Variants in CNKSR3 observed in about 807,000 individuals in gnomAD.
CNKSR3 encodes the protein CNKSR family member 3, also known as connector enhancer of kinase suppressor of ras 3.
CNKSR3 carries 36 observed loss-of-function variants against 67.7 expected under a neutral mutation model. That is an observed-to-expected ratio of 0.53 (90% CI 0.41 to 0.70). The LOEUF is 0.70. Ranked by LOEUF, CNKSR3 falls within the 30% of genes least tolerant of loss-of-function variation. The pLI, the probability that CNKSR3 is intolerant of heterozygous loss-of-function variation, is 0.00. For synonymous variants in CNKSR3, 281 were observed against 271.4 expected (o/e 1.04, Z -0.35); for missense variants, 630 against 695.2 (o/e 0.91, Z 1.05).
At chr6:154,436,513 CTAAT>C (rs1785475245) in intron 4 of CNKSR3, among the ~76,000 whole-genome samples, 1 of 152,102 alleles carries the variant, frequency 6.6e-6, no homozygotes, top group South Asian at 2.1e-4. Context: ...GCTCATTTTC[CTAAT>C]TCTTTTTTTT....
intron 1 of CNKSR3, among the ~76,000 whole-genome samples, chr6:154,478,642 A>G (rs1377575787): frequency 1.3e-5 from 2 of 152,234 alleles, no homozygotes; most frequent in Non-Finnish European, 2.9e-5. Context: ...TTACAATGCC[A>G]TCTTTGAAAA....
chr6:154,488,616 G>GA (rs1786724249), intron 1 of CNKSR3, among the ~76,000 whole-genome samples: 1 of 152,190 alleles, frequency 6.6e-6, no homozygotes, highest in East Asian at 1.9e-4. Flanking sequence ...TAAAAGAAAA[G>GA]AAATAAGAAC....
chr6:154,410,454 G>C, intron 11 of CNKSR3, 22 bp from the exon 12 acceptor site: 1 of 1,578,314 alleles, frequency 6.3e-7, no homozygotes, highest in Non-Finnish European at 8.7e-7. Context: ...CGAGAAAGAA[G>C]GTGACAAGTT....
intron 1 of CNKSR3, among the ~76,000 whole-genome samples, chr6:154,467,285 T>C (rs1786224028): frequency 6.6e-6 from 1 of 152,182 alleles, no homozygotes; most frequent in Non-Finnish European, 1.5e-5. Context: ...AAAAGCTTTC[T>C]GCTTGGGCGT....
Position 154,405,372 on chromosome 6 carries a change from A to G in CNKSR3, c.*982T>C, listed in dbSNP as rs1289742792. 6.6e-6 allele frequency: 1 copy of G among 152,656 alleles called. No individual in the cohort carries two copies. Among genetic ancestry groups the G allele is most frequent in the Admixed American group, 6.5e-5 (1 of 15,274 alleles). 9.5% of individuals were successfully genotyped at this position (152,656 alleles called of 1,614,324 possible). A position where few individuals can be genotyped will look rare whatever the true frequency, so the allele number is the denominator to read the frequency against. The stretch of plus-strand genomic sequence containing the variant: ...AGATAGTACTTTTCCATTCTAACAA[A>G]ATATCATACATTCAGTTTAAACAAG... On this transcript the variant is annotated 3_prime_UTR_variant, in exon 13 of 13. Coordinates refer to ENST00000607772, the MANE Select transcript of CNKSR3 (RefSeq NM_173515.4).
intron 9 of CNKSR3, among the ~76,000 whole-genome samples, chr6:154,418,984 C>A (rs1785079031): frequency 1.4e-5 from 2 of 146,400 alleles, no homozygotes. Flanking sequence ...ACACAAAGAA[C>A]CTGATTTTAA....
chr6:154,485,790 C>T (rs916063612), intron 1 of CNKSR3, among the ~76,000 whole-genome samples: 65 of 152,174 alleles, frequency 4.3e-4, no homozygotes, highest in Non-Finnish European at 5.1e-4. Context: ...GGGTAATCAC[C>T]CTTCTGGTGG....
Position 154,410,338 on chromosome 6 carries a change from C to T in CNKSR3, c.1369+5G>A, listed in dbSNP as rs369633632. 8.7e-6 allele frequency: 14 copies of T among 1,610,942 alleles called. No individual in the cohort carries two copies. Among genetic ancestry groups the T allele is most frequent in the East Asian group, 2.2e-5 (1 of 44,880 alleles). ...TGTTCCTTGGTTTGCTTGGATGAAACGTACCTTTCCTGCCATGACCTCGAG... is the reference window on the plus strand; with the variant it reads ...TGTTCCTTGGTTTGCTTGGATGAAATGTACCTTTCCTGCCATGACCTCGAG... On this transcript the variant is annotated splice_donor_5th_base_variant and intron_variant, in intron 12 of 12. Transcript: ENST00000607772.
chr6:154,433,502 G>C lies in CNKSR3; in HGVS notation c.513C>G (p.Cys171Trp). 6.3e-7 allele frequency: 1 copy of C among 1,588,614 alleles called. No individual in the cohort carries two copies. The highest frequency in any genetic ancestry group is 1.1e-5 in the South Asian group (1 of 88,524). ...CTTTATCCTCCATTTCCGCTACAAAGCAATCCTAAAGAAGGGGATGGAGAA... is the reference window on the plus strand; with the variant it reads ...CTTTATCCTCCATTTCCGCTACAAACCAATCCTAAAGAAGGGGATGGAGAA... The part of the protein sequence containing the change: ...LDLTTTVQKD[C>W]FVAEMEDKVL... The change falls in exon 5 of 13, where the codon TGC becomes TGG. Residue 171 changes from cysteine (C) to tryptophan (W), a missense_variant. Physicochemically the swap from Cys to Trp is radical, Grantham distance 215. This residue lies in a region of CNKSR3 where 133 missense variants were observed against 190.6 expected (regional missense o/e 0.70). Coordinates refer to ENST00000607772, the MANE Select transcript of CNKSR3 (RefSeq NM_173515.4).
At chr6:154,507,499 G>T (rs1217923817) in intron 1 of CNKSR3, among the ~76,000 whole-genome samples, 1 of 152,180 alleles carries the variant, frequency 6.6e-6, no homozygotes, top group Non-Finnish European at 1.5e-5. Context: ...AGTCCTATAA[G>T]CAGACGAGCT....
intron 7 of CNKSR3, among the ~76,000 whole-genome samples, chr6:154,427,645 G>T (rs1459370469): frequency 6.6e-6 from 1 of 152,142 alleles, no homozygotes; most frequent in African/African-American, 2.4e-5. Flanking sequence ...AAGGGCTGGG[G>T]AGAGAGGACT....
At position 154,510,155 on chromosome 6, in the gene CNKSR3, A is replaced by T. The variant is rs781214855; in HGVS notation, c.-41T>A. On this transcript the variant is annotated 5_prime_UTR_variant, in exon 1 of 13. Coordinates refer to ENST00000607772, the MANE Select transcript of CNKSR3 (RefSeq NM_173515.4). Reference sequence around the variant, plus strand: ...CTCTCGCTGGGCTGGAGAGTCGCAGATAAAGTGCTGCTGCCTGCGCTCCGG... The same window carrying T: ...CTCTCGCTGGGCTGGAGAGTCGCAGTTAAAGTGCTGCTGCCTGCGCTCCGG... 6.2e-7 allele frequency: 1 copy of T among 1,612,488 alleles called. No individual in the cohort carries two copies. The highest frequency in any genetic ancestry group is 8.5e-7 in the Non-Finnish European group (1 of 1,178,740).
chr6:154,501,418 G>C (rs1786991022), intron 1 of CNKSR3, among the ~76,000 whole-genome samples: 1 of 152,066 alleles, frequency 6.6e-6, no homozygotes, highest in East Asian at 1.9e-4. Flanking sequence ...ACCACGACTT[G>C]TAAGAACCTA....
At chr6:154,442,834 T>C (rs1343854305) in intron 2 of CNKSR3, among the ~76,000 whole-genome samples, 2 of 151,660 alleles carry the variant, frequency 1.3e-5, no homozygotes, top group African/African-American at 2.4e-5. Context: ...ATAGTTCCTC[T>C]TCCCCAAATG....
chr6:154,408,626 A>G (rs1331071183), intron 12 of CNKSR3, among the ~76,000 whole-genome samples: 3 of 152,214 alleles, frequency 2.0e-5, no homozygotes, highest in African/African-American at 7.2e-5. Flanking sequence ...GGGGCTGAAG[A>G]AGGACGGAAT....
At chr6:154,406,958 G>GT (rs11430136) in intron 12 of CNKSR3, among the ~76,000 whole-genome samples, 18 of 142,220 alleles carry the variant, frequency 1.3e-4, no homozygotes, top group Non-Finnish European at 2.3e-4. Flanking sequence ...TCCCCTCCAG[G>GT]AAAAAAAAAA....
At position 154,411,015 on chromosome 6, in the gene CNKSR3, C is replaced by T. The variant is rs577313190; in HGVS notation, c.1198G>A (p.Ala400Thr). The T allele has an allele frequency of 1.1e-5, 17 of 1,614,110 alleles. No individual in the cohort carries two copies. In the South Asian group the frequency reaches 1.8e-4, roughly 17 times the overall value. ...TACCCAGGCAACTGATCCGAGTCTG[C>T]AATGGTGAATCTTCGTCTCCGGCTT... ...QESRRRRFTI[A>T]DSDQLPGYSV... The change falls in exon 11 of 13, where the codon GCA becomes ACA. Residue 400 changes from alanine (A) to threonine (T), a missense_variant. Coordinates refer to ENST00000607772, the MANE Select transcript of CNKSR3 (RefSeq NM_173515.4).
At chr6:154,503,589 C>T (rs1223913456) in intron 1 of CNKSR3, among the ~76,000 whole-genome samples, 3 of 150,656 alleles carry the variant, frequency 2.0e-5, no homozygotes, top group Non-Finnish European at 4.4e-5. Flanking sequence ...GAGCTATGAT[C>T]GTACCACTGC....
At chr6:154,439,684 G>A (rs544429866) in intron 4 of CNKSR3, among the ~76,000 whole-genome samples, 128 of 152,262 alleles carry the variant, frequency 8.4e-4, no homozygotes, top group African/African-American at 2.9e-3. Flanking sequence ...TCGAGGCCAG[G>A]AGTTTGAGAC....
Sources: allele counts gnomAD v4.1 joint callset (sites outside exome capture counted in the v4.1 genomes callset), GRCh38; gene constraint gnomAD v4.1.1; regional missense constraint gnomAD v4.1.1; transcripts MANE v1.5; gene names NCBI Gene and HGNC (gene_info 2026-07-23, HGNC 2026-07-21).